TRHDE: variants seen among roughly 807,000 people sequenced by gnomAD.
TRHDE encodes the protein thyrotropin-releasing hormone-degrading ectoenzyme.
Under a neutral mutation model 125.7 loss-of-function variants are expected in TRHDE, and 72 were observed. The ratio of observed to expected loss-of-function variants is 0.57; its 90% CI spans 0.47 to 0.70. The LOEUF (loss-of-function observed/expected upper bound fraction) is 0.70, where lower values mean the gene tolerates loss of function less well. Among genes scored for constraint, TRHDE ranks in the 30% least tolerant of loss-of-function variants. The pLI, the probability that TRHDE is intolerant of heterozygous loss-of-function variation, is 0.00. For synonymous variants in TRHDE, 509 were observed against 509.1 expected (o/e 1.00, Z 0.00); for missense variants, 1,110 against 1,327.1 (o/e 0.84, Z 2.54).
At chr12:72,101,896 G>C (rs1875076993) in intron 1 of TRHDE, among the ~76,000 whole-genome samples, 1 of 152,196 alleles carries the variant, frequency 6.6e-6, no homozygotes, top group Non-Finnish European at 1.5e-5. Context: ...CTTTGAATTA[G>C]AGGCAAAGTT....
intron 2 of TRHDE, among the ~76,000 whole-genome samples, chr12:72,233,807 ATTC>A (rs1251078502): frequency 6.6e-6 from 1 of 152,194 alleles, no homozygotes; most frequent in Non-Finnish European, 1.5e-5. Context: ...TGGCAAAGTT[ATTC>A]TCTTTTACAA....
chr12:72,609,867 C>A (rs1012614750), intron 12 of TRHDE, among the ~76,000 whole-genome samples: 1 of 137,638 alleles, frequency 7.3e-6, no homozygotes, highest in African/African-American at 3.1e-5. Flanking sequence ...GTAGACTCAA[C>A]CTCTGAAAAA....
intron 6 of TRHDE, among the ~76,000 whole-genome samples, chr12:72,506,649 C>T (rs946789725): frequency 6.6e-6 from 1 of 152,076 alleles, no homozygotes; most frequent in Non-Finnish European, 1.5e-5. Flanking sequence ...GAATCCTGAG[C>T]TCTTATCTAC....
chr12:72,417,909 A>C (rs1873798209), intron 3 of TRHDE, among the ~76,000 whole-genome samples: 1 of 152,032 alleles, frequency 6.6e-6, no homozygotes, highest in Non-Finnish European at 1.5e-5. Flanking sequence ...TATTAAGTGC[A>C]GCAGAAAACT....
intron 2 of TRHDE, among the ~76,000 whole-genome samples, chr12:72,287,446 T>C (rs1447104611): frequency 6.6e-6 from 1 of 152,034 alleles, no homozygotes; most frequent in African/African-American, 2.4e-5. Flanking sequence ...TAGGATGGAG[T>C]TGAAGCTCTC....
At position 72,557,096 on chromosome 12, in the gene TRHDE, A is replaced by G. The variant is rs999179850; in HGVS notation, c.1789-5069A>G. On this transcript the variant is annotated intron_variant, in intron 7 of 18. Coordinates refer to ENST00000261180, the MANE Select transcript of TRHDE (RefSeq NM_013381.3). ...TCTTTCCTTGGGTAAAGTTCAAACA[A>G]TGCCTCCTTAAGATGCAGTAACAGA... 7.2e-5 allele frequency among the ~76,000 whole-genome samples: 11 copies of G among 152,324 alleles called. No homozygotes were observed. In the South Asian group the frequency reaches 2.3e-3, roughly 32 times the overall value.
chr12:72,472,072 T>C (rs1236404233), intron 4 of TRHDE, among the ~76,000 whole-genome samples: 1 of 152,230 alleles, frequency 6.6e-6, no homozygotes, highest in Admixed American at 6.5e-5. Context: ...TGTCACTTGC[T>C]TAGAGAGAAT....
At chr12:72,553,621 G>A (rs1303066956) in intron 7 of TRHDE, among the ~76,000 whole-genome samples, 1 of 151,916 alleles carries the variant, frequency 6.6e-6, no homozygotes, top group African/African-American at 2.4e-5. Context: ...TGGAAGAACT[G>A]TCCAAAACCC....
intron 10 of TRHDE, among the ~76,000 whole-genome samples, chr12:72,573,645 A>G (rs1870850290): frequency 6.6e-6 from 1 of 151,904 alleles, no homozygotes; most frequent in African/African-American, 2.4e-5. Flanking sequence ...CTTTTCTTGT[A>G]CTCTAGTACT....
intron 2 of TRHDE, among the ~76,000 whole-genome samples, chr12:72,201,775 T>G (rs1565661320): frequency 6.6e-6 from 1 of 152,232 alleles, no homozygotes; most frequent in Non-Finnish European, 1.5e-5. Context: ...CTAGTAACCC[T>G]GCTCTGGTGT....
intron 15 of TRHDE, among the ~76,000 whole-genome samples, chr12:72,630,527 AT>A: frequency 6.6e-6 from 1 of 151,744 alleles, no homozygotes; most frequent in Non-Finnish European, 1.5e-5. Flanking sequence ...ATGGTAATTT[AT>A]TTGGCAGCTC....
Position 72,621,357 on chromosome 12 carries a change from A to T in TRHDE, c.2567+152A>T. The T allele has an allele frequency of 1.6e-5, 10 of 617,536 alleles. No individual in the cohort carries two copies. The South Asian group carries it at 2.1e-4, about 13-fold the overall frequency. 38.3% of individuals were successfully genotyped at this position (617,536 alleles called of 1,614,324 possible). ...CCCGAGAGGACTGCTGCTGGGTAGC[A>T]CAGTTTCCATTGCCTGATCCTGAGA... On this transcript the variant is annotated intron_variant, in intron 14 of 18. Coordinates refer to ENST00000261180, the MANE Select transcript of TRHDE (RefSeq NM_013381.3).
intron 5 of TRHDE, among the ~76,000 whole-genome samples, chr12:72,498,793 T>C (rs567628890): frequency 6.6e-6 from 1 of 152,304 alleles, no homozygotes; most frequent in African/African-American, 2.4e-5. Flanking sequence ...GGAAGTCTTA[T>C]GATTTTTCTA....
chr12:72,594,048 G>A (rs564170226), intron 12 of TRHDE, among the ~76,000 whole-genome samples: 9 of 152,238 alleles, frequency 5.9e-5, no homozygotes, highest in South Asian at 2.1e-4. Context: ...GGATGGCTGG[G>A]TCAAATGGTA....
At chr12:72,101,132 T>A (rs975703863) in intron 1 of TRHDE, among the ~76,000 whole-genome samples, 3 of 152,214 alleles carry the variant, frequency 2.0e-5, no homozygotes, top group African/African-American at 7.2e-5. Flanking sequence ...TCACAGCATC[T>A]AGAAGCCTAA....
intron 5 of TRHDE, among the ~76,000 whole-genome samples, chr12:72,484,033 G>A (rs1189736433): frequency 6.6e-6 from 1 of 151,788 alleles, no homozygotes; most frequent in Non-Finnish European, 1.5e-5. Flanking sequence ...GCTCATCCTT[G>A]GAATTATTCC....
chr12:72,382,339 G>T (rs557561630), intron 3 of TRHDE, among the ~76,000 whole-genome samples: 5 of 151,900 alleles, frequency 3.3e-5, no homozygotes, highest in African/African-American at 4.8e-5. Context: ...GGGTTGGGGA[G>T]GGGGGGACAG....
chr12:72,352,154 A>G (rs1870610188), intron 2 of TRHDE, among the ~76,000 whole-genome samples: 1 of 151,814 alleles, frequency 6.6e-6, no homozygotes, highest in South Asian at 2.1e-4. Flanking sequence ...TGTAAATTCC[A>G]GAATCCAGTA....
chr12:72,556,676 C>T (rs1005392423), intron 7 of TRHDE, among the ~76,000 whole-genome samples: 4 of 152,178 alleles, frequency 2.6e-5, no homozygotes, highest in African/African-American at 9.7e-5. Flanking sequence ...TCCCAGATTC[C>T]ATTGTGAGTG....
Sources: allele counts gnomAD v4.1 joint callset (sites outside exome capture counted in the v4.1 genomes callset), GRCh38; gene constraint gnomAD v4.1.1; transcripts MANE v1.5; gene names NCBI Gene and HGNC (gene_info 2026-07-23, HGNC 2026-07-21).